ADAMTSL1: variants seen among roughly 807,000 people sequenced by gnomAD.
The protein encoded by ADAMTSL1 is ADAMTS-like protein 1.
In ADAMTSL1, 126 loss-of-function variants were observed where a neutral mutation model predicts 201.8. That is an observed-to-expected ratio of 0.62 (90% CI 0.54 to 0.72). The LOEUF (loss-of-function observed/expected upper bound fraction) is 0.72, where lower values mean the gene tolerates loss of function less well. Ranked by LOEUF, ADAMTSL1 falls within the 30% of genes least tolerant of loss-of-function variation. The pLI is 0.00. For missense variants in ADAMTSL1, 2,679 were observed against 2,277.8 expected (o/e 1.18, Z -3.59); for synonymous variants, 1,121 against 903.4 (o/e 1.24, Z -4.32).
intron 15 of ADAMTSL1, among the ~76,000 whole-genome samples, chr9:18,731,752 G>A (rs1038685038): frequency 6.6e-6 from 1 of 152,172 alleles, no homozygotes; most frequent in Non-Finnish European, 1.5e-5. Flanking sequence ...GGGGTAGCAT[G>A]GGCTACTACT....
At chr9:18,649,163 C>T (rs1051439968) in intron 7 of ADAMTSL1, among the ~76,000 whole-genome samples, 3 of 152,248 alleles carry the variant, frequency 2.0e-5, no homozygotes, top group Non-Finnish European at 4.4e-5. Flanking sequence ...GATAACCTTT[C>T]TTCCAGTTGA....
At chr9:18,702,216 G>C (rs1183931485) in intron 13 of ADAMTSL1, among the ~76,000 whole-genome samples, 1 of 152,104 alleles carries the variant, frequency 6.6e-6, no homozygotes, top group African/African-American at 2.4e-5. Flanking sequence ...GGAATTATGA[G>C]AGCTACAAGA....
At chr9:18,169,173 T>C (rs1208466065) in intron 2 of ADAMTSL1, among the ~76,000 whole-genome samples, 7 of 151,620 alleles carry the variant, frequency 4.6e-5, no homozygotes, top group African/African-American at 1.7e-4. Context: ...CCATTGCTTT[T>C]GGTGTTTTAG....
intron 1 of ADAMTSL1, among the ~76,000 whole-genome samples, chr9:17,938,697 T>C (rs1827110417): frequency 6.6e-6 from 1 of 152,136 alleles, no homozygotes; most frequent in Admixed American, 6.6e-5. Context: ...GTCATCTTCC[T>C]CCGACAAGAT....
rs1289627599 is a variant in ADAMTSL1, at chr9:18,844,684, G to A, written c.4249+14707G>A. On this transcript the variant is annotated intron_variant, in intron 23 of 28. Transcript: ENST00000380548. The stretch of plus-strand genomic sequence containing the variant: ...GGCAGGCCTCCTTGAGCTGTGGTGG[G>A]CTCCACCCAGTTCGAGCTTCCTGGC... 2.6e-5 allele frequency among the ~76,000 whole-genome samples: 4 copies of A among 152,334 alleles called. No homozygotes were observed. In the East Asian group the frequency reaches 7.7e-4, roughly 29 times the overall value.
At chr9:18,456,250 C>T (rs897228307) in intron 2 of ADAMTSL1, among the ~76,000 whole-genome samples, 1 of 152,134 alleles carries the variant, frequency 6.6e-6, no homozygotes, top group Non-Finnish European at 1.5e-5. Context: ...CAGACTCTAG[C>T]GAAGGTCTAC....
At chr9:18,616,366 C>G (rs1297232554) in intron 4 of ADAMTSL1, among the ~76,000 whole-genome samples, 1 of 152,188 alleles carries the variant, frequency 6.6e-6, no homozygotes. Flanking sequence ...CATTAGGCTT[C>G]ATCAGAGGTT....
At chr9:18,575,639 T>C (rs1355135550) in intron 4 of ADAMTSL1, among the ~76,000 whole-genome samples, 1 of 152,202 alleles carries the variant, frequency 6.6e-6, no homozygotes, top group African/African-American at 2.4e-5. Flanking sequence ...GACTGTGTTG[T>C]AGGGAATGGC....
At chr9:18,321,799 A>G (rs1416508211) in intron 2 of ADAMTSL1, among the ~76,000 whole-genome samples, 1 of 152,082 alleles carries the variant, frequency 6.6e-6, no homozygotes, top group African/African-American at 2.4e-5. Context: ...TGTCAAAAAA[A>G]CCAAAACAAA....
At chr9:18,227,292 G>T (rs1830466324) in intron 2 of ADAMTSL1, among the ~76,000 whole-genome samples, 1 of 152,074 alleles carries the variant, frequency 6.6e-6, no homozygotes, top group Non-Finnish European at 1.5e-5. Context: ...TTGGCTCTGT[G>T]CATGTTTGCT....
At chr9:18,415,278 G>A (rs1818624718) in intron 2 of ADAMTSL1, among the ~76,000 whole-genome samples, 1 of 152,256 alleles carries the variant, frequency 6.6e-6, no homozygotes, top group East Asian at 1.9e-4. Flanking sequence ...TGAATTAGCA[G>A]ACAAAGACAT....
intron 3 of ADAMTSL1, among the ~76,000 whole-genome samples, chr9:18,550,209 A>G (rs1300706962): frequency 6.6e-6 from 1 of 151,966 alleles, no homozygotes; most frequent in African/African-American, 2.4e-5. Context: ...GATCCCTGAA[A>G]CTTGTGAATA....
At chr9:18,639,660 A>G (rs768574369) in intron 7 of ADAMTSL1, among the ~76,000 whole-genome samples, 6 of 152,144 alleles carry the variant, frequency 3.9e-5, no homozygotes, top group Non-Finnish European at 8.8e-5. Context: ...TTAATAAAAT[A>G]ACCCCACCTA....
intron 2 of ADAMTSL1, among the ~76,000 whole-genome samples, chr9:18,254,406 A>G (rs974252304): frequency 1.8e-5 from 2 of 108,876 alleles, no homozygotes; most frequent in Non-Finnish European, 1.7e-5. Context: ...TCTGTCCCCC[A>G]GGCTGGAGTA....
chr9:18,093,691 A>G (rs1316423863), intron 1 of ADAMTSL1, among the ~76,000 whole-genome samples: 2 of 152,206 alleles, frequency 1.3e-5, no homozygotes, highest in Non-Finnish European at 2.9e-5. Context: ...AGGCTCTCCT[A>G]AAGTTTTTAG....
chr9:18,873,785 T>C (rs1401655623), intron 23 of ADAMTSL1, among the ~76,000 whole-genome samples: 1 of 152,198 alleles, frequency 6.6e-6, no homozygotes, highest in Non-Finnish European at 1.5e-5. Context: ...GTGGGCTCTT[T>C]TTTAGTTACA....
rs572443268 is a variant in ADAMTSL1 at position 18,894,513 on chromosome 9, G to A, written c.4851+1917G>A. 4.3e-4 allele frequency among the ~76,000 whole-genome samples: 65 copies of A among 152,082 alleles called. 1 individual carries two copies. Among genetic ancestry groups the A allele is most frequent in the Non-Finnish European group, 6.6e-4 (45 of 67,984 alleles). ...AGGAATCCATTTCCTCTTTATAAGC[G>A]TGATTCGCATGGCTTCCATGATCCA... On this transcript the variant is annotated intron_variant, in intron 26 of 28. Transcript: ENST00000380548.
At chr9:18,463,818 A>G (rs920731699) in intron 2 of ADAMTSL1, among the ~76,000 whole-genome samples, 1 of 152,252 alleles carries the variant, frequency 6.6e-6, no homozygotes, top group African/African-American at 2.4e-5. Flanking sequence ...TGCTATGAAC[A>G]TGGGCGTACA....
At chr9:17,935,540 C>T (rs117688054) in intron 1 of ADAMTSL1, among the ~76,000 whole-genome samples, 2,330 of 152,236 alleles carry the variant, frequency 0.015, 37 homozygotes, top group Non-Finnish European at 0.026. Flanking sequence ...TTCTCCTGCT[C>T]CCACTCCCCC....
Sources: gnomAD v4.1 joint callset for allele counts (sites outside exome capture counted in the v4.1 genomes callset) on GRCh38, gnomAD v4.1.1 for gene constraint, MANE v1.5 for transcripts, NCBI Gene and HGNC (gene_info 2026-07-23, HGNC 2026-07-21) for gene names.